Variants in ABCA13 observed in about 807,000 individuals in gnomAD.
The protein encoded by ABCA13 is ATP binding cassette subfamily A member 13.
Under a neutral mutation model 478.7 loss-of-function variants are expected in ABCA13, and 476 were observed. That is an observed-to-expected ratio of 0.99 (90% CI 0.92 to 1.07). ABCA13 has a LOEUF of 1.07. ABCA13 is among the 50% of genes least tolerant of loss of function. The probability of loss-of-function intolerance (pLI) is 0.00; values close to 1 mark genes in which losing one functional copy is unlikely to be tolerated. For synonymous variants in ABCA13, 2,252 were observed against 2,158.9 expected, an observed-to-expected ratio of 1.04 and a Z score of -1.20; for missense variants, 6,060 against 5,910.6, an observed-to-expected ratio of 1.03 and a Z score of -0.83.
intron 15 of ABCA13, among the ~76,000 whole-genome samples, chr7:48,249,765 A>G (rs990943162): frequency 1.3e-5 from 2 of 152,196 alleles, no homozygotes; most frequent in African/African-American, 4.8e-5. Flanking sequence ...AAGAAAACAC[A>G]AACTGTTTTT....
chr7:48,524,441 G>T lies in ABCA13; in HGVS notation c.14244+1G>T, dbSNP rs1021276821. On this transcript the variant is annotated splice_donor_variant, in intron 54 of 61. Transcript: ENST00000435803. LOFTEE classifies it high-confidence loss of function. ...TAGTTTGGGCATACCAAAAGGAGAGGTAATGAAGCTTCTATTTTTAATCTT... is the reference window on the plus strand; with the variant it reads ...TAGTTTGGGCATACCAAAAGGAGAGTTAATGAAGCTTCTATTTTTAATCTT... 1.3e-6 allele frequency: 2 copies of T among 1,596,630 alleles called. No individual in the cohort carries two copies. Among genetic ancestry groups the T allele is most frequent in the African/African-American group, 2.7e-5 (2 of 73,328 alleles).
chr7:48,394,685 A>G (rs922163799), intron 38 of ABCA13, among the ~76,000 whole-genome samples: 5 of 151,804 alleles, frequency 3.3e-5, no homozygotes, highest in Middle Eastern at 3.4e-3. Context: ...TTTTTTTTCA[A>G]TTTTTATTTT....
intron 42 of ABCA13, among the ~76,000 whole-genome samples, chr7:48,442,142 G>A (rs1484041421): frequency 1.3e-5 from 2 of 152,170 alleles, no homozygotes; most frequent in East Asian, 1.9e-4. Context: ...TCCCACTGCC[G>A]AGCTGCTGGG....
At chr7:48,294,634 G>A (rs536487519) in intron 20 of ABCA13, among the ~76,000 whole-genome samples, 72 of 151,498 alleles carry the variant, frequency 4.8e-4, no homozygotes, top group African/African-American at 1.7e-3. Context: ...TTTTAGTAGA[G>A]ACGGGGTTTC....
At chr7:48,511,828 A>C (rs1831711323) in intron 51 of ABCA13, among the ~76,000 whole-genome samples, 1 of 152,174 alleles carries the variant, frequency 6.6e-6, no homozygotes. Flanking sequence ...CTTAGTAGGG[A>C]AAATCATTAT....
chr7:48,377,181 T>C (rs1479581038), intron 35 of ABCA13, among the ~76,000 whole-genome samples: 15 of 145,666 alleles, frequency 1.0e-4, no homozygotes, highest in Admixed American at 9.7e-4. Flanking sequence ...GGAGGACAAG[T>C]ATATCAATGG....
intron 58 of ABCA13, among the ~76,000 whole-genome samples, chr7:48,605,056 T>G (rs1200937893): frequency 6.6e-6 from 1 of 152,146 alleles, no homozygotes; most frequent in Non-Finnish European, 1.5e-5. Context: ...CAATCTCTGC[T>G]TTCTTTTGCT....
chr7:48,397,838 G>A (rs1046162212), intron 38 of ABCA13, among the ~76,000 whole-genome samples: 3 of 152,138 alleles, frequency 2.0e-5, no homozygotes, highest in Non-Finnish European at 4.4e-5. Context: ...GTCCTTGAGG[G>A]ACCGAAGTCC....
chr7:48,471,679 T>G (rs1379786575), intron 45 of ABCA13, 80 bp downstream of exon 45: 10 of 1,314,034 alleles, frequency 7.6e-6, no homozygotes, highest in Non-Finnish European at 1.0e-5. Flanking sequence ...CTATAAAATT[T>G]TCATATTTGT....
chr7:48,309,916 A>G, intron 23 of ABCA13, 31 bp from the exon 24 acceptor site: 2 of 1,611,830 alleles, frequency 1.2e-6, no homozygotes, highest in South Asian at 1.1e-5. Context: ...TCATAGGTAT[A>G]CTCACCTCTA....
chr7:48,214,854 G>T (rs1176756058), intron 3 of ABCA13, among the ~76,000 whole-genome samples: 1 of 152,146 alleles, frequency 6.6e-6, no homozygotes, highest in African/African-American at 2.4e-5. Flanking sequence ...CTTATCATTT[G>T]TGTTTTCACT....
At chr7:48,325,911 G>C (rs1584856606) in intron 27 of ABCA13, among the ~76,000 whole-genome samples, 1 of 152,170 alleles carries the variant, frequency 6.6e-6, no homozygotes, top group South Asian at 2.1e-4. Context: ...AAATCACTGA[G>C]GTGAGTGGTA....
chr7:48,628,042 CG>C (rs909182049), intron 59 of ABCA13, among the ~76,000 whole-genome samples: 3 of 152,098 alleles, frequency 2.0e-5, no homozygotes, highest in Non-Finnish European at 2.9e-5. Flanking sequence ...ACCTGAACTT[CG>C]GGGGGACACG....
chr7:48,278,384 A>G lies in ABCA13; in HGVS notation c.7190A>G (p.Asn2397Ser), dbSNP rs747609349. ...GTGAGTCAGTTGTTTTTCCATGTGAATAAGTCTGAGGACCTCTTCAAACTC... is the reference window on the plus strand; with the variant it reads ...GTGAGTCAGTTGTTTTTCCATGTGAGTAAGTCTGAGGACCTCTTCAAACTC... ...TVVSQLFFHV[N>S]KSEDLFKLNQ... The change falls in exon 18 of 62, where the codon AAT becomes AGT. Residue 2397 changes from asparagine (N) to serine (S), a missense_variant. Physicochemically the swap from Asn to Ser is conservative, Grantham distance 46 (BLOSUM62 1). This residue lies in a region of ABCA13 where 4,423 missense variants were observed against 4,309.1 expected (regional missense o/e 1.03). Transcript: ENST00000435803. 6 of 1,613,892 alleles carry G rather than the reference A, an allele frequency of 3.7e-6. No homozygotes were observed. The highest frequency in any genetic ancestry group is 2.2e-5 in the East Asian group (1 of 44,854).
At chr7:48,554,661 T>G (rs1448033712) in intron 55 of ABCA13, among the ~76,000 whole-genome samples, 2 of 151,822 alleles carry the variant, frequency 1.3e-5, no homozygotes, top group Non-Finnish European at 2.9e-5. Context: ...TACTGATTTT[T>G]GTATGTTGAT....
intron 42 of ABCA13, among the ~76,000 whole-genome samples, chr7:48,430,584 G>T (rs1822006634): frequency 6.7e-6 from 1 of 149,220 alleles, no homozygotes; most frequent in Non-Finnish European, 1.5e-5. Context: ...CGGAGGCAGA[G>T]AATTGCTTGG....
rs373412906 is a variant in ABCA13, at chr7:48,278,281, C to T, written c.7087C>T (p.Gln2363Ter). 6.2e-7 allele frequency: 1 copy of T among 1,612,182 alleles called. No individual in the cohort carries two copies. The highest frequency in any genetic ancestry group is 1.3e-5 in the African/African-American group (1 of 74,866). The change falls in exon 18 of 62, where the codon CAA (glutamine) becomes TAA (stop). Residue 2363 changes from glutamine to a stop codon, truncating the protein, a stop_gained. Transcript: ENST00000435803. LOFTEE classifies it high-confidence loss of function. ...FDTHQGLKFM[Q>*]DLFNALLRET... is the part of the protein sequence containing the mutation. ...TACTCATCAAGGACTGAAGTTCATGCAAGATTTATTTAATGCCCTTCTCAG... is the reference window on the plus strand; with the variant it reads ...TACTCATCAAGGACTGAAGTTCATGTAAGATTTATTTAATGCCCTTCTCAG...
At chr7:48,586,511 AG>A (rs1188072960) in intron 56 of ABCA13, among the ~76,000 whole-genome samples, 1 of 152,124 alleles carries the variant, frequency 6.6e-6, no homozygotes, top group Non-Finnish European at 1.5e-5. Flanking sequence ...TCTCGTTTAT[AG>A]GGGGGAGCTT....
At chr7:48,411,050 T>TCTTTCTTTCTTTCTTTCC (rs369120669) in intron 40 of ABCA13, among the ~76,000 whole-genome samples, 1 of 62,114 alleles carries the variant, frequency 1.6e-5, no homozygotes, top group Admixed American at 1.9e-4. Flanking sequence ...TTTCTTTCTT[T>TCTTTCTTTCTTTCTTTCC]TTCTTTCTTT....
Sources: allele counts gnomAD v4.1 joint callset (sites outside exome capture counted in the v4.1 genomes callset), GRCh38; gene constraint gnomAD v4.1.1; regional missense constraint gnomAD v4.1.1; transcripts MANE v1.5; gene names NCBI Gene and HGNC (gene_info 2026-07-23, HGNC 2026-07-21).